PTPRD: variants seen among roughly 807,000 people sequenced by gnomAD.
PTPRD encodes receptor-type tyrosine-protein phosphatase delta.
Under a neutral mutation model 214.5 loss-of-function variants are expected in PTPRD, and 34 were observed. The ratio of observed to expected loss-of-function variants is 0.16; its 90% CI spans 0.12 to 0.21. The LOEUF (loss-of-function observed/expected upper bound fraction) is 0.21. PTPRD is among the 10% of genes least tolerant of loss of function. The pLI is 1.00. For synonymous variants in PTPRD, 1,128 were observed against 845.7 expected, an observed-to-expected ratio of 1.33 and a Z score of -5.79; for missense variants, 2,545 against 2,398.7, an observed-to-expected ratio of 1.06 and a Z score of -1.27.
At chr9:8,689,534 A>G (rs976980192) in intron 12 of PTPRD, among the ~76,000 whole-genome samples, 1 of 152,216 alleles carries the variant, frequency 6.6e-6, no homozygotes, top group African/African-American at 2.4e-5. Context: ...AGGAAGAGGC[A>G]AAAGTGGGAA....
intron 4 of PTPRD, among the ~76,000 whole-genome samples, chr9:9,972,081 T>C (rs1031296296): frequency 6.6e-6 from 1 of 152,232 alleles, no homozygotes; most frequent in African/African-American, 2.4e-5. Context: ...AGTTGCAGCA[T>C]TTGACAATAT....
intron 11 of PTPRD, among the ~76,000 whole-genome samples, chr9:8,737,242 A>G (rs934078624): frequency 6.6e-6 from 1 of 152,184 alleles, no homozygotes; most frequent in Non-Finnish European, 1.5e-5. Flanking sequence ...AAACATACAT[A>G]TTTATCCTTA....
At position 8,760,437 on chromosome 9, in the gene PTPRD, C is replaced by G. The variant is rs118124093; in HGVS notation, c.-103-26491G>C. 1.3e-3 allele frequency among the ~76,000 whole-genome samples: 191 copies of G among 152,198 alleles called. 1 individual carries two copies. The highest frequency in any genetic ancestry group is 8.9e-3 in the East Asian group (46 of 5,174). ...AATTCTTTGTTATGAATTCACTATTCTAGTTAAAAATAACAGGTATGTTAT... is the reference window on the plus strand; with the variant it reads ...AATTCTTTGTTATGAATTCACTATTGTAGTTAAAAATAACAGGTATGTTAT... On this transcript the variant is annotated intron_variant, in intron 11 of 45. Coordinates refer to ENST00000381196, the MANE Select transcript of PTPRD (RefSeq NM_002839.4).
chr9:9,273,722 CATGGAT>C (rs1283296612), intron 9 of PTPRD, among the ~76,000 whole-genome samples: 1 of 151,218 alleles, frequency 6.6e-6, no homozygotes, highest in Non-Finnish European at 1.5e-5. Context: ...AGTGACTCCA[CATGGAT>C]TGACATTTGA....
intron 9 of PTPRD, among the ~76,000 whole-genome samples, chr9:9,267,484 A>G (rs1940495609): frequency 1.3e-5 from 2 of 151,418 alleles, no homozygotes; most frequent in African/African-American, 2.4e-5. Context: ...TAACAGAATT[A>G]ACACTAGCTC....
At position 10,334,620 on chromosome 9, in the gene PTPRD, C is replaced by T. The variant is rs1383252727; in HGVS notation, c.-545+6343G>A. Among the ~76,000 whole-genome samples the T allele has an allele frequency of 4.0e-5, 6 of 151,216 alleles. No homozygotes were observed. The Admixed American group carries it at 4.0e-4, about 10-fold the overall frequency. ...TTGTTTGAGAAGGAAGAAATAAAAC[C>T]GTCTTTGCTTGCGGATGACAAGATC... On this transcript the variant is annotated intron_variant, in intron 3 of 45. Transcript: ENST00000381196.
At chr9:9,045,521 T>C (rs868229796) in intron 10 of PTPRD, among the ~76,000 whole-genome samples, 21 of 152,144 alleles carry the variant, frequency 1.4e-4, no homozygotes, top group South Asian at 2.1e-4. Flanking sequence ...CACCCAAACT[T>C]CAAGGTAACA....
intron 36 of PTPRD, among the ~76,000 whole-genome samples, chr9:8,400,555 T>C (rs1000624670): frequency 3.9e-5 from 6 of 152,154 alleles, no homozygotes; most frequent in African/African-American, 9.7e-5. Context: ...AAAGATAAAA[T>C]AGATTTTTAG....
intron 10 of PTPRD, among the ~76,000 whole-genome samples, chr9:9,107,662 T>A (rs2099800556): frequency 1.3e-5 from 2 of 152,178 alleles, no homozygotes; most frequent in African/African-American, 4.8e-5. Flanking sequence ...GACTTACTTG[T>A]CCTTGTCCCC....
chr9:10,319,440 G>T (rs984264675), intron 3 of PTPRD, among the ~76,000 whole-genome samples: 1 of 151,938 alleles, frequency 6.6e-6, no homozygotes, highest in Non-Finnish European at 1.5e-5. Context: ...CAGCTTCTGT[G>T]GGTGCTCTCT....
intron 6 of PTPRD, among the ~76,000 whole-genome samples, chr9:9,756,993 A>C (rs1393411873): frequency 6.6e-6 from 1 of 152,220 alleles, no homozygotes; most frequent in African/African-American, 2.4e-5. Flanking sequence ...GTTTCATAAA[A>C]TACTTTTATA....
intron 2 of PTPRD, among the ~76,000 whole-genome samples, chr9:10,454,480 T>A (rs1489743113): frequency 6.6e-6 from 1 of 151,736 alleles, no homozygotes; most frequent in South Asian, 2.1e-4. Context: ...TAGCAAGACA[T>A]ACTGTTCTCA....
chr9:10,244,531 T>G (rs1027113750), intron 3 of PTPRD, among the ~76,000 whole-genome samples: 1 of 152,136 alleles, frequency 6.6e-6, no homozygotes, highest in Admixed American at 6.6e-5. Context: ...ATTTCATTTT[T>G]TACAACAAAA....
chr9:9,225,157 A>T (rs2099958614), intron 9 of PTPRD, among the ~76,000 whole-genome samples: 1 of 152,090 alleles, frequency 6.6e-6, no homozygotes, highest in Non-Finnish European at 1.5e-5. Flanking sequence ...ATATTATCAG[A>T]CAGCAGAAGG....
intron 2 of PTPRD, among the ~76,000 whole-genome samples, chr9:10,503,266 T>C (rs2044528725): frequency 6.9e-6 from 1 of 145,392 alleles, no homozygotes; most frequent in African/African-American, 2.5e-5. Context: ...ATTAAGTGAA[T>C]AAATTATGGT....
At chr9:10,079,425 G>A (rs2098193941) in intron 3 of PTPRD, among the ~76,000 whole-genome samples, 1 of 152,066 alleles carries the variant, frequency 6.6e-6, no homozygotes, top group African/African-American at 2.4e-5. Context: ...GGGTTGTTGT[G>A]TTTTTGTTGC....
chr9:10,178,721 T>C (rs1438439629), intron 3 of PTPRD, among the ~76,000 whole-genome samples: 1 of 151,944 alleles, frequency 6.6e-6, no homozygotes, highest in East Asian at 1.9e-4. Flanking sequence ...GGCCATATAA[T>C]ATTGTGTTGT....
chr9:9,521,429 G>GA (rs982578429), intron 8 of PTPRD, among the ~76,000 whole-genome samples: 4 of 152,110 alleles, frequency 2.6e-5, no homozygotes, highest in African/African-American at 7.2e-5. Flanking sequence ...AAGACAAAGG[G>GA]AAAAAAACCT....
chr9:8,479,334 CTT>C (rs2135479454), intron 30 of PTPRD, among the ~76,000 whole-genome samples: 1 of 152,272 alleles, frequency 6.6e-6, no homozygotes, highest in East Asian at 1.9e-4. Flanking sequence ...CTGATTTAGT[CTT>C]TCACTCATTT....
Sources: allele counts gnomAD v4.1 joint callset (sites outside exome capture counted in the v4.1 genomes callset), GRCh38; gene constraint gnomAD v4.1.1; transcripts MANE v1.5; gene names NCBI Gene and HGNC (gene_info 2026-07-23, HGNC 2026-07-21).